CLIP2: variants seen among roughly 807,000 people sequenced by gnomAD.
CLIP2 encodes the protein CAP-Gly domain containing linker protein 2, also known as CAP-Gly domain-containing linker protein 2.
CLIP2 carries 41 observed loss-of-function variants against 111.7 expected under a neutral mutation model. The ratio of observed to expected loss-of-function variants is 0.37; its 90% confidence interval spans 0.29 to 0.48. The LOEUF is 0.48. Ranked by LOEUF, CLIP2 falls within the 20% of genes least tolerant of loss-of-function variation. The probability of loss-of-function intolerance (pLI) is 0.99; values close to 1 mark genes in which losing one functional copy is unlikely to be tolerated. For missense variants in CLIP2, 1,160 were observed against 1,422.1 expected, an observed-to-expected ratio of 0.82 and a Z score of 2.96; for synonymous variants, 660 against 644.2, an observed-to-expected ratio of 1.02 and a Z score of -0.37.
intron 2 of CLIP2, among the ~76,000 whole-genome samples, chr7:74,335,240 C>T (rs895174323): frequency 2.8e-5 from 4 of 142,076 alleles, no homozygotes; most frequent in Non-Finnish European, 6.0e-5. Flanking sequence ...AAGTGTACTC[C>T]AGCCTGGGTA....
rs1330798797 is a variant in CLIP2 at position 74,317,394 on chromosome 7, G to A, written c.-67-86G>A. On this transcript the variant is annotated intron_variant, in intron 1 of 16. Transcript: ENST00000223398. ...GTGTTGCCTCGTCCAGCCCACCTCA[G>A]GAGGGATGTGTGTTGCTTGATGGCC... The A allele has an allele frequency of 9.6e-6, 9 of 935,808 alleles. No homozygotes were observed. In the East Asian group the frequency reaches 1.9e-4, roughly 20 times the overall value. The allele number at this position is 935,808 out of a possible 1,614,324, so 58.0% of individuals were successfully genotyped here.
intron 2 of CLIP2, among the ~76,000 whole-genome samples, chr7:74,323,903 G>A (rs782153030): frequency 6.6e-6 from 1 of 152,224 alleles, no homozygotes; most frequent in Non-Finnish European, 1.5e-5. Flanking sequence ...ATCGCCTAAT[G>A]ATGCATTTCT....
At chr7:74,363,294 A>G (rs1401582037) in intron 7 of CLIP2, among the ~76,000 whole-genome samples, 7 of 152,176 alleles carry the variant, frequency 4.6e-5, no homozygotes, top group African/African-American at 1.7e-4. Flanking sequence ...GAGCCACTGC[A>G]ACTGGCCCAG....
At chr7:74,381,041 A>G in intron 11 of CLIP2, 178 bp downstream of exon 11, 1 of 508,474 alleles carries the variant, frequency 2.0e-6, no homozygotes, top group Non-Finnish European at 3.6e-6. Context: ...AGGGATAGGC[A>G]TTGCACCAGC....
intron 9 of CLIP2, 88 bp from the exon 10 acceptor site, chr7:74,375,799 C>A: frequency 1.7e-6 from 2 of 1,158,382 alleles, no homozygotes; most frequent in South Asian, 1.6e-5. Context: ...CGAATGGACG[C>A]CCCCTACCCG....
chr7:74,315,376 T>C (rs1344409692), intron 1 of CLIP2, among the ~76,000 whole-genome samples: 2 of 152,066 alleles, frequency 1.3e-5, no homozygotes, highest in African/African-American at 4.8e-5. Flanking sequence ...ATGATTAATA[T>C]GTAATCTTTG....
chr7:74,322,187 C>CA (rs1223605254), intron 2 of CLIP2, among the ~76,000 whole-genome samples: 2 of 151,804 alleles, frequency 1.3e-5, no homozygotes, highest in African/African-American at 4.8e-5. Context: ...GACGGCGTTT[C>CA]ACCATGTTGG....
chr7:74,364,416 C>CG, intron 8 of CLIP2, 101 bp downstream of exon 8: 1 of 1,022,126 alleles, frequency 9.8e-7, no homozygotes. Context: ...TAGGCCCCCC[C>CG]GGGGAAGGGG....
In CLIP2 at chr7:74,374,411, A is replaced by G. The variant is rs554674409; in HGVS notation, c.1485+1375A>G. Among the ~76,000 whole-genome samples the G allele has an allele frequency of 2.4e-4, 36 of 152,312 alleles. No homozygotes were observed. The South Asian group carries it at 7.5e-3, about 32-fold the overall frequency. ...GCATCTTGATCTAGGGTTCAACCTG[A>G]TGAAAACACAAAAACAGGGCTGGGT... On this transcript the variant is annotated intron_variant, in intron 9 of 16. Coordinates refer to ENST00000223398, the MANE Select transcript of CLIP2 (RefSeq NM_003388.5).
At chr7:74,349,476 A>G (rs1337758001) in intron 3 of CLIP2, among the ~76,000 whole-genome samples, 105 of 102,804 alleles carry the variant, frequency 1.0e-3, no homozygotes, top group African/African-American at 3.5e-3. Context: ...GTGTGTATAT[A>G]TATATATATA....
chr7:74,303,650 G>A (rs1188616090), intron 1 of CLIP2, among the ~76,000 whole-genome samples: 1 of 144,202 alleles, frequency 6.9e-6, no homozygotes, highest in Non-Finnish European at 1.5e-5. Flanking sequence ...GGTGGCTCAC[G>A]CCTGTAATTC....
In CLIP2 at chr7:74,376,825, A is replaced by G; in HGVS notation, c.2421+3A>G. The G allele has an allele frequency of 6.4e-7, 1 of 1,572,750 alleles. No homozygotes were observed. Among genetic ancestry groups the G allele is most frequent in the Non-Finnish European group, 8.6e-7 (1 of 1,160,280 alleles). On this transcript the variant is annotated splice_donor_region_variant and intron_variant, in intron 10 of 16. Coordinates refer to ENST00000223398, the MANE Select transcript of CLIP2 (RefSeq NM_003388.5). This position sits in a 1 kb window ranked among gnomAD's most constrained non-coding sequence, Gnocchi z 7.1. ...TGTGCTCCTCCCAGCACACCCACGT[A>G]GGCGCCTGCCCCTCCTGCTGGGGCG... is the stretch of plus-strand genomic sequence containing the variant.
intron 2 of CLIP2, among the ~76,000 whole-genome samples, chr7:74,332,781 A>G (rs535763): frequency 0.61 from 93,208 of 152,002 alleles, 30,555 homozygotes; most frequent in Middle Eastern, 0.75. Context: ...AGTTACGCAC[A>G]TGGCGTGGCA....
chr7:74,338,834 T>C lies in CLIP2; in HGVS notation c.508T>C (p.Ser170Pro). Reference sequence around the variant, plus strand: ...GGAGTCGCTGACTGCCCAGAACCTGTCATTGCATTCGGGCACGGCCACGCC... The same window carrying C: ...GGAGTCGCTGACTGCCCAGAACCTGCCATTGCATTCGGGCACGGCCACGCC... ...SVESLTAQNL[S>P]LHSGTATPPL... Residue 170 changes from serine (S) to proline (P), a missense_variant, in exon 3 of 17, where the codon TCA (serine) becomes CCA (proline). Physicochemically the swap from Ser to Pro is moderately conservative, Grantham distance 74. This residue lies in a region of CLIP2 where 301 missense variants were observed against 315.2 expected (regional missense o/e 0.96). Transcript: ENST00000223398. The surrounding 1 kb of genome is among the most constrained non-coding windows in gnomAD (Gnocchi z 4.3). 6.2e-7 allele frequency: 1 copy of C among 1,610,850 alleles called. No individual in the cohort carries two copies. Among genetic ancestry groups the C allele is most frequent in the Non-Finnish European group, 8.5e-7 (1 of 1,179,878 alleles).
rs1382089320 is a variant in CLIP2, at chr7:74,397,122, C to T, written c.2769C>T (p.Ser923=). The change falls in exon 14 of 17, where the codon TCC becomes TCT. Residue 923 remains serine (S), a synonymous_variant. Transcript: ENST00000223398. ...TGCTGCTGGAGGCCAATCGTCACTCCCCAGGGCCGGAGAGGGACCTGAGCC... is the reference window on the plus strand; with the variant it reads ...TGCTGCTGGAGGCCAATCGTCACTCTCCAGGGCCGGAGAGGGACCTGAGCC... ...RVLLLEANRH[S]PGPERDLSRE... is the part of the protein sequence containing the mutation. 5.6e-6 allele frequency: 9 copies of T among 1,613,708 alleles called. No homozygotes were observed. Among genetic ancestry groups the T allele is most frequent in the African/African-American group, 5.3e-5 (4 of 74,830 alleles).
chr7:74,388,980 GTGGGGTATGTCACCTTC>G, intron 12 of CLIP2, 106 bp from the exon 13 acceptor site: 2 of 1,183,496 alleles, frequency 1.7e-6, no homozygotes, highest in Non-Finnish European at 2.4e-6. Context: ...AAACTATGCA[GTGGGGTATGTCACCTTC>G]ATCCCCTGGG....
At chr7:74,328,789 C>T (rs1241752204) in intron 2 of CLIP2, among the ~76,000 whole-genome samples, 1 of 152,036 alleles carries the variant, frequency 6.6e-6, no homozygotes, top group African/African-American at 2.4e-5. Context: ...GAGGGTCTCA[C>T]TCTGTCACCC....
chr7:74,294,705 C>G (rs115375241), intron 1 of CLIP2, among the ~76,000 whole-genome samples: 1 of 152,212 alleles, frequency 6.6e-6, no homozygotes, highest in Non-Finnish European at 1.5e-5. Context: ...AGCCCCTGCC[C>G]ACCTCACAAT....
intron 7 of CLIP2, among the ~76,000 whole-genome samples, chr7:74,361,093 G>A (rs1372706914): frequency 1.3e-5 from 2 of 150,420 alleles, no homozygotes; most frequent in Non-Finnish European, 3.0e-5. Flanking sequence ...TCCTGTCCTG[G>A]GAATCCATTT....
Sources: gnomAD v4.1 joint callset for allele counts (sites outside exome capture counted in the v4.1 genomes callset) on GRCh38, gnomAD v4.1.1 for gene constraint, gnomAD v4.1.1 regional missense constraint, Gnocchi (gnomAD v3.1) non-coding constraint, MANE v1.5 for transcripts, NCBI Gene and HGNC (gene_info 2026-07-23, HGNC 2026-07-21) for gene names.